Variants in KIAA0319 observed in about 807,000 individuals in gnomAD.
KIAA0319 encodes the protein KIAA0319.
Under a neutral mutation model 108.4 loss-of-function variants are expected in KIAA0319, and 83 were observed. That is an observed-to-expected ratio of 0.77 (90% CI 0.64 to 0.92). The LOEUF is 0.92. Ranked by LOEUF, KIAA0319 falls within the 40% of genes least tolerant of loss-of-function variation. The pLI, the probability that KIAA0319 is intolerant of heterozygous loss-of-function variation, is 0.00. For synonymous variants in KIAA0319, 484 were observed against 510.4 expected (o/e 0.95, Z 0.70); for missense variants, 1,195 against 1,322.4 (o/e 0.90, Z 1.49).
Position 24,566,718 on chromosome 6 carries a change from C to T in KIAA0319, c.2171G>A (p.Gly724Asp), listed in dbSNP as rs528319780. ...ENNSPPRARA[G>D]GRHVLVLPNN... is the part of the protein sequence containing the mutation. ...GGGAAGCACAAGAACATGTCTGCCA[C>T]CAGCCCGGGCTCTGGGAGGACTATT... The change falls in exon 14 of 21, where the codon GGT (glycine) becomes GAT (aspartate). Residue 724 changes from glycine to aspartate, a missense_variant. Gly to Asp is a moderately conservative substitution (Grantham distance 94, BLOSUM62 -1). Coordinates refer to ENST00000378214, the MANE Select transcript of KIAA0319 (RefSeq NM_014809.4). 1.5e-5 allele frequency: 24 copies of T among 1,612,654 alleles called. No individual in the cohort carries two copies. In the South Asian group the frequency reaches 1.5e-4, roughly 10 times the overall value.
In KIAA0319 at chr6:24,599,632, A is replaced by G. The variant is rs1468442091; in HGVS notation, c.55+1417T>C. 14 of 625,792 alleles carry G rather than the reference A, an allele frequency of 2.2e-5. No homozygotes were observed. Among genetic ancestry groups the G allele is most frequent in the Non-Finnish European group, 2.1e-5 (7 of 337,592 alleles). The allele number at this position is 625,792 out of a possible 1,614,324, so 38.8% of individuals were successfully genotyped here. On this transcript the variant is annotated intron_variant, in intron 2 of 20. Transcript: ENST00000378214. This position sits in a 1 kb window ranked among gnomAD's most constrained non-coding sequence, Gnocchi z 4.1. ...TACTCAGGTGAGCTGAGCTCAGCCTATGGGGGCCTCAGCTACAGCCTGGGC... is the reference window on the plus strand; with the variant it reads ...TACTCAGGTGAGCTGAGCTCAGCCTGTGGGGGCCTCAGCTACAGCCTGGGC...
intron 16 of KIAA0319, among the ~76,000 whole-genome samples, chr6:24,562,770 C>T (rs985626276): frequency 1.3e-5 from 2 of 152,020 alleles, no homozygotes; most frequent in Admixed American, 6.6e-5. Flanking sequence ...ATCTGAAAGG[C>T]GGAGGTTACA....
intron 1 of KIAA0319, among the ~76,000 whole-genome samples, chr6:24,626,298 G>A (rs994076287): frequency 2.6e-5 from 4 of 152,188 alleles, no homozygotes; most frequent in Non-Finnish European, 4.4e-5. Flanking sequence ...TTGGGAGGTC[G>A]AGATGAGAGA....
intron 4 of KIAA0319, among the ~76,000 whole-genome samples, chr6:24,587,466 G>T (rs1357558003): frequency 6.6e-6 from 1 of 151,908 alleles, no homozygotes; most frequent in Non-Finnish European, 1.5e-5. Flanking sequence ...ATTTTTAGTA[G>T]AGATGGGGTT....
intron 1 of KIAA0319, among the ~76,000 whole-genome samples, chr6:24,631,003 G>A (rs1775512049): frequency 6.6e-6 from 1 of 152,334 alleles, no homozygotes; most frequent in Admixed American, 6.5e-5. Context: ...CAGATTGTCT[G>A]CATAGCATTG....
At chr6:24,592,999 T>TA (rs936790325) in intron 3 of KIAA0319, among the ~76,000 whole-genome samples, 34 of 151,162 alleles carry the variant, frequency 2.2e-4, no homozygotes, top group South Asian at 1.5e-3. Context: ...TAAAAATAAA[T>TA]AAAAAAAAAC....
At chr6:24,586,992 TCTC>T (rs1767601840) in intron 4 of KIAA0319, among the ~76,000 whole-genome samples, 1 of 152,040 alleles carries the variant, frequency 6.6e-6, no homozygotes, top group Admixed American at 6.6e-5. Flanking sequence ...CCCTGGATGA[TCTC>T]CTATGTCCCC....
Position 24,626,526 on chromosome 6 carries a change from G to A in KIAA0319, c.-106+19210C>T, listed in dbSNP as rs189789002. Among the ~76,000 whole-genome samples the A allele has an allele frequency of 1.1e-4, 17 of 151,524 alleles. No homozygotes were observed. The East Asian group carries it at 1.7e-3, about 16-fold the overall frequency. On this transcript the variant is annotated intron_variant, in intron 1 of 20. Transcript: ENST00000378214. ...CAGCCTGGGCAACAGAGCAAGACTC[G>A]CTCTCAAAAAAAAAGGGGGTGAAAC...
chr6:24,602,401 GC>G (rs1167357514), intron 1 of KIAA0319, among the ~76,000 whole-genome samples: 1 of 135,124 alleles, frequency 7.4e-6, no homozygotes, highest in African/African-American at 2.4e-5. Flanking sequence ...CACATGCCAG[GC>G]CGGAAGTGGA....
rs566528621 is a variant in KIAA0319 at position 24,588,994 on chromosome 6, G to C, written c.802-209C>G. On this transcript the variant is annotated intron_variant, in intron 3 of 20. Transcript: ENST00000378214. The stretch of plus-strand genomic sequence containing the variant: ...AGAAACATAAGGCAACTGTGGGTTG[G>C]ACAATTAGTATAGGTGAACTCACAC... 2.3e-4 allele frequency among the ~76,000 whole-genome samples: 35 copies of C among 152,188 alleles called. No homozygotes were observed. The South Asian group carries it at 7.3e-3, about 32-fold the overall frequency.
In KIAA0319 at chr6:24,566,710, G is replaced by T. The variant is rs1450636748; in HGVS notation, c.2179C>A (p.His727Asn). 6.2e-7 allele frequency: 1 copy of T among 1,613,200 alleles called. No homozygotes were observed. The highest frequency in any genetic ancestry group is 1.7e-5 in the Admixed American group (1 of 59,894). Residue 727 changes from histidine to asparagine, a missense_variant, in exon 14 of 21, where the codon CAT becomes AAT. Coordinates refer to ENST00000378214, the MANE Select transcript of KIAA0319 (RefSeq NM_014809.4). ...GAATTATTGGGAAGCACAAGAACAT[G>T]TCTGCCACCAGCCCGGGCTCTGGGA... ...SPPRARAGGRHVLVLPNNSIT... is the reference protein window; with the variant it reads ...SPPRARAGGRNVLVLPNNSIT...
rs71542686 is a variant in KIAA0319, at chr6:24,565,752, C to CAAA, written c.2292+842_2292+844dup. Among the ~76,000 whole-genome samples the CAAA allele has an allele frequency of 5.8e-3, 358 of 62,030 alleles. 8 individuals are homozygous for CAAA. The highest frequency in any genetic ancestry group is 0.017 in the African/African-American group (292 of 16,906). 40.7% of individuals were successfully genotyped at this position (62,030 alleles called of 152,430 possible). Reference sequence around the variant, plus strand: ...TGGGCGATAGAGTGAGACTCCATCTCAAAAAAAAAAAAAAAAAAAAAAGAA... The same window carrying CAAA: ...TGGGCGATAGAGTGAGACTCCATCTCAAAAAAAAAAAAAAAAAAAAAAAAAGAA... On this transcript the variant is annotated intron_variant, in intron 14 of 20. Coordinates refer to ENST00000378214, the MANE Select transcript of KIAA0319 (RefSeq NM_014809.4).
At chr6:24,555,710 T>A (rs771848191) in intron 18 of KIAA0319, among the ~76,000 whole-genome samples, 5 of 151,936 alleles carry the variant, frequency 3.3e-5, no homozygotes, top group Non-Finnish European at 7.4e-5. Flanking sequence ...TAAAATATAG[T>A]TTTCTCCCCA....
chr6:24,589,501 C>T (rs559870859), intron 3 of KIAA0319, among the ~76,000 whole-genome samples: 5 of 152,224 alleles, frequency 3.3e-5, no homozygotes, highest in African/African-American at 1.2e-4. Context: ...ATGGAGGTAA[C>T]TGGATCATGG....
At chr6:24,630,508 C>CAAAAAAA (rs66787757) in intron 1 of KIAA0319, among the ~76,000 whole-genome samples, 11 of 104,444 alleles carry the variant, frequency 1.1e-4, no homozygotes, top group Non-Finnish European at 1.3e-4. Context: ...GATTCTGTCT[C>CAAAAAAA]AAAAAAAAAA....
In KIAA0319 at chr6:24,578,155, GGA is replaced by G. The variant is rs1431003885; in HGVS notation, c.1458_1459del (p.Pro487ArgfsTer6). On this transcript the variant is annotated frameshift_variant, in exon 9 of 21. Coordinates refer to ENST00000378214, the MANE Select transcript of KIAA0319 (RefSeq NM_014809.4). LOFTEE classifies it high-confidence loss of function. ...ATCAAGGTTAGACAAGCGTAAGACGGGAGAGTCAACTGAAGTCTTCTCTTCTA... is the reference window on the plus strand; with the variant it reads ...ATCAAGGTTAGACAAGCGTAAGACGGGAGTCAACTGAAGTCTTCTCTTCTA... 2.5e-6 allele frequency: 4 copies of G among 1,613,406 alleles called. No individual in the cohort carries two copies. In the African/African-American group the frequency reaches 4.0e-5, roughly 16 times the overall value.
At chr6:24,570,129 A>G in intron 11 of KIAA0319, 94 bp from the exon 12 acceptor site, 1 of 1,204,486 alleles carries the variant, frequency 8.3e-7, no homozygotes, top group African/African-American at 1.5e-5. Context: ...ACTCATCTTC[A>G]GACCAGGCAG....
At chr6:24,555,078 G>C (rs1324878701) in intron 18 of KIAA0319, among the ~76,000 whole-genome samples, 2 of 152,166 alleles carry the variant, frequency 1.3e-5, no homozygotes, top group Middle Eastern at 6.3e-3. Context: ...TTCACGGCCA[G>C]AGAGCAATTC....
At chr6:24,542,459 G>A (rs1428218316), downstream of KIAA0319, among the ~76,000 whole-genome samples, 4 of 152,200 alleles carry the variant, frequency 2.6e-5, no homozygotes, top group Non-Finnish European at 5.9e-5. Context: ...ACCTGGCACT[G>A]TAGCTCACAT....
Sources: gnomAD v4.1 joint callset for allele counts (sites outside exome capture counted in the v4.1 genomes callset) on GRCh38, gnomAD v4.1.1 for gene constraint, Gnocchi (gnomAD v3.1) non-coding constraint, MANE v1.5 for transcripts, NCBI Gene and HGNC (gene_info 2026-07-23, HGNC 2026-07-21) for gene names.